Variants in RP1 observed in about 807,000 individuals in gnomAD.
The protein encoded by RP1 is oxygen-regulated protein 1.
A neutral mutation model predicts 14.8 loss-of-function variants in RP1; 16 were observed. The observed-to-expected ratio is 1.08, with a 90% CI of 0.73 to 1.65. RP1 has a LOEUF of 1.65. Ranked by LOEUF, RP1 falls within the 40% of genes most tolerant of loss-of-function variation. The pLI is 0.00. For synonymous variants in RP1, 876 were observed against 883.6 expected (o/e 0.99, Z 0.15); for missense variants, 2,631 against 2,535.0 (o/e 1.04, Z -0.81).
intron 4 of RP1, among the ~76,000 whole-genome samples, chr8:54,649,466 C>A (rs979486529): frequency 2.0e-5 from 3 of 152,068 alleles, no homozygotes; most frequent in Non-Finnish European, 4.4e-5. Flanking sequence ...ATAAAATTGT[C>A]AAACAAGGAA....
chr8:54,848,212 T>C (rs1362168920), intron 25 of RP1, among the ~76,000 whole-genome samples: 6 of 152,264 alleles, frequency 3.9e-5, no homozygotes, highest in Non-Finnish European at 5.9e-5. Context: ...AGTGAGGAGC[T>C]GAGGCAGCAG....
At chr8:54,643,874 ACAGTTTGCTTT>A (rs1221849409) in intron 3 of RP1, among the ~76,000 whole-genome samples, 15 of 152,092 alleles carry the variant, frequency 9.9e-5, no homozygotes, top group Non-Finnish European at 2.2e-4. Context: ...GTCACCCATA[ACAGTTTGCTTT>A]CTAGCCCCCA....
intron 24 of RP1, among the ~76,000 whole-genome samples, chr8:54,789,617 T>C (rs1810411897): frequency 1.3e-5 from 2 of 152,168 alleles, no homozygotes; most frequent in South Asian, 2.1e-4. Flanking sequence ...AAGTTTAGCT[T>C]ACAGCCCCAC....
At position 54,629,611 on chromosome 8, in the gene RP1, T is replaced by C; in HGVS notation, c.5729T>C (p.Leu1910Pro). 5.0e-6 allele frequency: 8 copies of C among 1,614,002 alleles called. No homozygotes were observed. The highest frequency in any genetic ancestry group is 6.8e-6 in the Non-Finnish European group (8 of 1,179,998). ...TLQEADSLDK[L>P]YALCGQHCPI... ...CAGGAAGCTGACTCTTTGGATAAAC[T>C]GTATGCTCTTTGTGGTCAACATTGC... The change falls in exon 4 of 4, where the codon CTG (leucine) becomes CCG (proline). Residue 1910 changes from leucine (L) to proline (P), a missense_variant. Leu to Pro is a moderately conservative substitution (Grantham distance 98). Transcript: ENST00000220676.
chr8:54,865,523 C>T (rs1161089857), intron 27 of RP1, among the ~76,000 whole-genome samples: 1 of 152,128 alleles, frequency 6.6e-6, no homozygotes, highest in Admixed American at 6.6e-5. Flanking sequence ...TATGACTTAA[C>T]ATAACTGAAA....
upstream of RP1, among the ~76,000 whole-genome samples, chr8:54,614,259 A>G (rs1805661855): frequency 6.6e-6 from 1 of 152,226 alleles, no homozygotes; most frequent in Admixed American, 6.5e-5. Context: ...AACAGCAGTG[A>G]CTAGACAGAA....
In RP1 at chr8:54,692,229, G is replaced by C. The variant is rs566034139; in HGVS notation, c.1718-7238G>C. On this transcript the variant is annotated intron_variant, in intron 12 of 22. Transcript: ENST00000636932. ...TCCAGTCTATCGTTGTTGGACATTT[G>C]GGTTGGTTCCAAGTCTTTGCTATTG... 1.8e-3 allele frequency among the ~76,000 whole-genome samples: 273 copies of C among 150,954 alleles called. 1 individual carries two copies. The highest frequency in any genetic ancestry group is 2.0e-3 in the Non-Finnish European group (135 of 67,890).
chr8:54,597,708 C>T (rs917999328), intron 1 of RP1, among the ~76,000 whole-genome samples: 2 of 152,144 alleles, frequency 1.3e-5, no homozygotes, highest in African/African-American at 4.8e-5. Flanking sequence ...ACCTCAAAAA[C>T]ATTATGCTAA....
At chr8:54,622,987 G>A (rs774437631) in intron 3 of RP1, among the ~76,000 whole-genome samples, 1 of 152,146 alleles carries the variant, frequency 6.6e-6, no homozygotes, top group Non-Finnish European at 1.5e-5. Flanking sequence ...CAAGCTCTTT[G>A]CTAGAGTACT....
intron 24 of RP1, among the ~76,000 whole-genome samples, chr8:54,820,714 T>C (rs1811235551): frequency 6.6e-6 from 1 of 152,184 alleles, no homozygotes; most frequent in African/African-American, 2.4e-5. Flanking sequence ...CTTTCCCTGA[T>C]ATGATCTTAA....
intron 17 of RP1, among the ~76,000 whole-genome samples, chr8:54,733,217 T>C (rs1808833716): frequency 6.6e-6 from 1 of 152,200 alleles, no homozygotes; most frequent in East Asian, 1.9e-4. Flanking sequence ...ATTATTTAAC[T>C]TCCCTGCTTC....
chr8:54,703,388 A>G (rs752061936), intron 14 of RP1, among the ~76,000 whole-genome samples: 59 of 152,178 alleles, frequency 3.9e-4, no homozygotes, highest in Admixed American at 3.5e-3. Context: ...TACATTGTCA[A>G]TGAATAGTTA....
chr8:54,779,867 G>A (rs1430558951), intron 23 of RP1, among the ~76,000 whole-genome samples: 1 of 152,184 alleles, frequency 6.6e-6, no homozygotes, highest in African/African-American at 2.4e-5. Flanking sequence ...ATAATGGAGA[G>A]CCCTTATCTG....
chr8:54,694,245 A>G (rs1807796776), intron 12 of RP1, among the ~76,000 whole-genome samples: 1 of 152,144 alleles, frequency 6.6e-6, no homozygotes, highest in Non-Finnish European at 1.5e-5. Context: ...GGATTTTTGC[A>G]TCAACGTTCA....
At chr8:54,734,672 C>T in exon 18 of RP1, 1 of 1,535,720 alleles carries the variant, frequency 6.5e-7, no homozygotes, top group Non-Finnish European at 8.7e-7. Context: ...ATAAAGGAGT[C>T]ACTGGGCCAA....
intron 12 of RP1, among the ~76,000 whole-genome samples, chr8:54,694,422 G>A (rs530991329): frequency 6.6e-6 from 1 of 152,322 alleles, no homozygotes; most frequent in Non-Finnish European, 1.5e-5. Flanking sequence ...AGCTCTGGTA[G>A]AATTCAGCTG....
At chr8:54,605,863 C>T (rs1169659559) in intron 1 of RP1, among the ~76,000 whole-genome samples, 1 of 151,892 alleles carries the variant, frequency 6.6e-6, no homozygotes, top group Non-Finnish European at 1.5e-5. Flanking sequence ...GATTGCAACC[C>T]CTGCCTTTTT....
chr8:54,789,525 A>G (rs74721025), intron 24 of RP1, among the ~76,000 whole-genome samples: 5,840 of 152,156 alleles, frequency 0.038, 252 homozygotes, highest in African/African-American at 0.098. Flanking sequence ...TATGGGGCAA[A>G]CCTGTGTCCC....
At chr8:54,736,270 G>A (rs1318555505) in intron 18 of RP1, among the ~76,000 whole-genome samples, 1 of 152,040 alleles carries the variant, frequency 6.6e-6, no homozygotes, top group African/African-American at 2.4e-5. Context: ...AAGGTATTGT[G>A]ATGACAAAAA....
Sources: allele counts gnomAD v4.1 joint callset (sites outside exome capture counted in the v4.1 genomes callset), GRCh38; gene constraint gnomAD v4.1.1; transcripts MANE v1.5; gene names NCBI Gene and HGNC (gene_info 2026-07-23, HGNC 2026-07-21).